The following DCBLD1 variants were observed in gnomAD, a reference collection of about 807,000 sequenced individuals.
DCBLD1 encodes the protein discoidin, CUB and LCCL domain containing 1.
In DCBLD1, 57 loss-of-function variants were observed where a neutral mutation model predicts 71.5. The ratio of observed to expected loss-of-function variants is 0.80; its 90% CI spans 0.64 to 0.99. The LOEUF (loss-of-function observed/expected upper bound fraction) is 0.99. Among genes scored for constraint, DCBLD1 ranks in the 50% least tolerant of loss-of-function variants. DCBLD1 has a pLI of 0.00. For synonymous variants in DCBLD1, 380 were observed against 363.8 expected, an observed-to-expected ratio of 1.04 and a Z score of -0.51; for missense variants, 891 against 923.5, an observed-to-expected ratio of 0.96 and a Z score of 0.46.
intron 2 of DCBLD1, among the ~76,000 whole-genome samples, chr6:117,515,087 G>T (rs11755781): frequency 0.026 from 3,900 of 149,128 alleles, 79 homozygotes; most frequent in East Asian, 0.052. Context: ...TGGTGGGATC[G>T]TGGCTCACTG....
In DCBLD1 at chr6:117,548,064, G is replaced by GCC. The variant is rs1260774089; in HGVS notation, c.1776_1777dup (p.Leu593ProfsTer51). ...GGGCCGGCCGCCACGAGTACGCGCTGCCCCTGGCGCCCCCGGAGCCCGAGT... is the reference window on the plus strand; with the variant it reads ...GGGCCGGCCGCCACGAGTACGCGCTGCCCCCCTGGCGCCCCCGGAGCCCGAGT... On this transcript the variant is annotated frameshift_variant, in exon 15 of 15. Coordinates refer to ENST00000338728, the MANE Select transcript of DCBLD1 (RefSeq NM_001366458.2). LOFTEE classifies it low-confidence loss of function (END_TRUNC). The GCC allele has an allele frequency of 6.5e-7, 1 of 1,548,776 alleles. No individual in the cohort carries two copies. Among genetic ancestry groups the GCC allele is most frequent in the Admixed American group, 2.0e-5 (1 of 50,892 alleles).
In DCBLD1 at chr6:117,482,803, G is replaced by A; in HGVS notation, c.22G>A (p.Gly8Ser). The A allele has an allele frequency of 8.7e-7, 1 of 1,152,912 alleles. No homozygotes were observed. The highest frequency in any genetic ancestry group is 1.1e-6 in the Non-Finnish European group (1 of 938,094). 71.4% of individuals were successfully genotyped at this position (1,152,912 alleles called of 1,614,324 possible). Residue 8 changes from glycine to serine, a missense_variant, in exon 1 of 15, where the codon GGC becomes AGC. Transcript: ENST00000338728. Reference protein sequence around the residue: MVPGARGGGALARAAGRG... With the variant: MVPGARGSGALARAAGRG... ...GGTCATGGTGCCCGGCGCCCGCGGC[G>A]GCGGCGCACTGGCGCGGGCTGCCGG... is the stretch of plus-strand genomic sequence containing the variant.
chr6:117,556,218 T>C (rs1779493573), intron 14 of DCBLD1, among the ~76,000 whole-genome samples: 1 of 152,200 alleles, frequency 6.6e-6, no homozygotes, highest in Non-Finnish European at 1.5e-5. Context: ...TTTTTTAAAA[T>C]ATATTTTTAT....
At chr6:117,532,477 C>G in intron 6 of DCBLD1, 84 bp downstream of exon 6, 3 of 1,441,248 alleles carry the variant, frequency 2.1e-6, no homozygotes, top group Non-Finnish European at 2.7e-6. Context: ...TTTGAAAAGA[C>G]AGCAGGGATG....
At chr6:117,493,107 A>G (rs1777349726) in intron 1 of DCBLD1, among the ~76,000 whole-genome samples, 1 of 152,216 alleles carries the variant, frequency 6.6e-6, no homozygotes, top group African/African-American at 2.4e-5. Context: ...AAACCATACA[A>G]AATTTTTATC....
intron 1 of DCBLD1, among the ~76,000 whole-genome samples, chr6:117,503,239 A>G (rs1013471307): frequency 6.6e-6 from 1 of 152,222 alleles, no homozygotes; most frequent in Non-Finnish European, 1.5e-5. Context: ...ATTAACTAAG[A>G]CATACATTTC....
rs772278188 is a variant in DCBLD1 at position 117,545,471 on chromosome 6, A to T, written c.1496-7A>T. On this transcript the variant is annotated splice_region_variant and splice_polypyrimidine_tract_variant and intron_variant, in intron 13 of 14. Coordinates refer to ENST00000338728, the MANE Select transcript of DCBLD1 (RefSeq NM_001366458.2). Reference sequence around the variant, plus strand: ...TATTCATTTGGTTTATGTTACCTTTATTCCAGACTGTTGGAAGCAGATTAA... The same window carrying T: ...TATTCATTTGGTTTATGTTACCTTTTTTCCAGACTGTTGGAAGCAGATTAA... The T allele has an allele frequency of 2.5e-6, 4 of 1,613,588 alleles. No individual in the cohort carries two copies. Among genetic ancestry groups the T allele is most frequent in the Non-Finnish European group, 3.4e-6 (4 of 1,179,786 alleles).
At chr6:117,495,812 T>C (rs1777449283) in intron 1 of DCBLD1, among the ~76,000 whole-genome samples, 1 of 152,196 alleles carries the variant, frequency 6.6e-6, no homozygotes, top group African/African-American at 2.4e-5. Flanking sequence ...TTGGCTAGAT[T>C]TTGAGATTTT....
At chr6:117,556,048 G>A (rs1033026796) in intron 14 of DCBLD1, among the ~76,000 whole-genome samples, 1 of 152,048 alleles carries the variant, frequency 6.6e-6, no homozygotes, top group Admixed American at 6.6e-5. Flanking sequence ...GCCTTACACC[G>A]CTAATAAAAG....
intron 14 of DCBLD1, 165 bp from the exon 15 acceptor site, chr6:117,547,742 G>C: frequency 6.9e-7 from 1 of 1,457,484 alleles, no homozygotes; most frequent in African/African-American, 1.4e-5. Flanking sequence ...CCTGCGGGTG[G>C]CTTCTGTGGC....
At chr6:117,526,422 A>C (rs1280465295) in intron 5 of DCBLD1, among the ~76,000 whole-genome samples, 1 of 152,202 alleles carries the variant, frequency 6.6e-6, no homozygotes, top group African/African-American at 2.4e-5. Flanking sequence ...TAAAAAGTTG[A>C]CATTTTTTCC....
At chr6:117,501,724 C>T (rs946788331) in intron 1 of DCBLD1, among the ~76,000 whole-genome samples, 2 of 152,206 alleles carry the variant, frequency 1.3e-5, no homozygotes, top group African/African-American at 4.8e-5. Flanking sequence ...ATCAAAGCCC[C>T]GTGCACTGTG....
intron 2 of DCBLD1, among the ~76,000 whole-genome samples, chr6:117,509,557 A>G (rs903843405): frequency 1.3e-5 from 2 of 152,046 alleles, no homozygotes; most frequent in Non-Finnish European, 2.9e-5. Flanking sequence ...GTTAGCCATT[A>G]TTTTTCCTCC....
At chr6:117,501,378 G>A (rs2114415894) in intron 1 of DCBLD1, among the ~76,000 whole-genome samples, 1 of 152,292 alleles carries the variant, frequency 6.6e-6, no homozygotes, top group South Asian at 2.1e-4. Flanking sequence ...CTCTTGCCCA[G>A]GCTGGAGTTC....
chr6:117,530,662 G>A (rs1015964244), intron 5 of DCBLD1, among the ~76,000 whole-genome samples: 1 of 152,210 alleles, frequency 6.6e-6, no homozygotes, highest in African/African-American at 2.4e-5. Flanking sequence ...ATACTTTGTG[G>A]AGTTAGAGGC....
At chr6:117,525,547 A>C (rs186209455) in intron 5 of DCBLD1, 113 bp downstream of exon 5, 2 of 704,846 alleles carry the variant, frequency 2.8e-6, no homozygotes, top group Non-Finnish European at 4.2e-6. Flanking sequence ...AGATAGATGC[A>C]TGAGTCTCTC....
intron 5 of DCBLD1, among the ~76,000 whole-genome samples, chr6:117,526,962 G>A (rs1043435703): frequency 6.6e-6 from 1 of 152,178 alleles, no homozygotes; most frequent in African/African-American, 2.4e-5. Context: ...CTCATTGGAG[G>A]CTCAGCTGGG....
chr6:117,514,135 A>G (rs1205088273), intron 2 of DCBLD1, among the ~76,000 whole-genome samples: 1 of 152,104 alleles, frequency 6.6e-6, no homozygotes, highest in Non-Finnish European at 1.5e-5. Context: ...TAGGAATGTA[A>G]TTATTAACTT....
chr6:117,483,723 G>A (rs1490293043), intron 1 of DCBLD1, among the ~76,000 whole-genome samples: 3 of 151,140 alleles, frequency 2.0e-5, no homozygotes, highest in African/African-American at 7.3e-5. Flanking sequence ...TAATAGCAAG[G>A]GCCAGCTTTC....
Sources: gnomAD v4.1 joint callset for allele counts (sites outside exome capture counted in the v4.1 genomes callset) on GRCh38, gnomAD v4.1.1 for gene constraint, MANE v1.5 for transcripts, NCBI Gene and HGNC (gene_info 2026-07-23, HGNC 2026-07-21) for gene names.